The following SP4 variants were observed in gnomAD, a reference collection of about 807,000 sequenced individuals.
SP4 encodes Sp4 transcription factor.
SP4 carries 19 observed loss-of-function variants against 72.8 expected under a neutral mutation model. The observed-to-expected ratio is 0.26, with a 90% CI of 0.18 to 0.38. SP4 has a LOEUF of 0.38. Ranked by LOEUF, SP4 falls within the 10% of genes least tolerant of loss-of-function variation. The probability of loss-of-function intolerance (pLI) is 1.00; values close to 1 mark genes in which losing one functional copy is unlikely to be tolerated. For missense variants in SP4, 1,008 were observed against 926.3 expected (o/e 1.09, Z -1.14); for synonymous variants, 395 against 333.1 (o/e 1.19, Z -2.02).
chr7:21,451,777 A>C (rs1329532901), intron 3 of SP4, among the ~76,000 whole-genome samples: 1 of 152,174 alleles, frequency 6.6e-6, no homozygotes, highest in Non-Finnish European at 1.5e-5. Context: ...AAATCAGATT[A>C]TTAGATTTAG....
rs1028999109 is a variant in SP4 at position 21,468,001 on chromosome 7, A to G, written c.1679-9078A>G. The stretch of plus-strand genomic sequence containing the variant: ...TTTATTTATAGGTAGATAGATAAAT[A>G]GTTTTGTTTTTCAAATTTGCGGATC... On this transcript the variant is annotated intron_variant, in intron 3 of 5. Transcript: ENST00000222584. 2.6e-5 allele frequency among the ~76,000 whole-genome samples: 4 copies of G among 152,260 alleles called. No individual in the cohort carries two copies. In the South Asian group the frequency reaches 8.3e-4, roughly 31 times the overall value.
In SP4 at chr7:21,441,662, T is replaced by C. The variant is rs529965896; in HGVS notation, c.1678+10819T>C. 3.9e-5 allele frequency among the ~76,000 whole-genome samples: 6 copies of C among 152,326 alleles called. No homozygotes were observed. The South Asian group carries it at 1.2e-3, about 32-fold the overall frequency. Reference sequence around the variant, plus strand: ...CAGGAGCTCAGATAAAAGGATGTTGTTGCAGTAATTTAGTTATGAATTCAC... The same window carrying C: ...CAGGAGCTCAGATAAAAGGATGTTGCTGCAGTAATTTAGTTATGAATTCAC... On this transcript the variant is annotated intron_variant, in intron 3 of 5. Coordinates refer to ENST00000222584, the MANE Select transcript of SP4 (RefSeq NM_003112.5).
chr7:21,488,483 T>TTC (rs1784882794), intron 5 of SP4, among the ~76,000 whole-genome samples: 1 of 151,594 alleles, frequency 6.6e-6, no homozygotes, highest in Non-Finnish European at 1.5e-5. Context: ...CCTTTCCTTT[T>TTC]TTTTTTTTTT....
At chr7:21,501,603 T>C (rs1476049769) in intron 5 of SP4, among the ~76,000 whole-genome samples, 2 of 152,180 alleles carry the variant, frequency 1.3e-5, no homozygotes, top group Non-Finnish European at 2.9e-5. Context: ...TTATGAGAGA[T>C]GTAAGGATTG....
chr7:21,441,571 T>C (rs1783247128), intron 3 of SP4, among the ~76,000 whole-genome samples: 1 of 152,226 alleles, frequency 6.6e-6, no homozygotes, highest in South Asian at 2.1e-4. Context: ...AGTAAAAATA[T>C]TTGCAATGCA....
intron 3 of SP4, among the ~76,000 whole-genome samples, chr7:21,432,175 C>T (rs1261531636): frequency 6.6e-6 from 1 of 152,162 alleles, no homozygotes; most frequent in Non-Finnish European, 1.5e-5. Flanking sequence ...TTTAAGTAGC[C>T]ACATGTGGCT....
chr7:21,506,905 T>C (rs1782013081), intron 5 of SP4, among the ~76,000 whole-genome samples: 1 of 152,196 alleles, frequency 6.6e-6, no homozygotes, highest in South Asian at 2.1e-4. Flanking sequence ...CTTTAATTAT[T>C]AGTTCCTGGA....
At chr7:21,485,651 CTG>C (rs1193952800) in intron 5 of SP4, among the ~76,000 whole-genome samples, 5 of 152,112 alleles carry the variant, frequency 3.3e-5, no homozygotes, top group African/African-American at 1.2e-4. Flanking sequence ...TTTTGAAAAA[CTG>C]TATGCAGGCC....
In SP4 at chr7:21,428,344, C is replaced by T. The variant is rs1782694622; in HGVS notation, c.7+86C>T. Reference sequence around the variant, plus strand: ...GACCCTGCTCGGTTCTCCCCCCTCCCCCGGGGCCGCTGAGATGCTTTAAGG... The same window carrying T: ...GACCCTGCTCGGTTCTCCCCCCTCCTCCGGGGCCGCTGAGATGCTTTAAGG... On this transcript the variant is annotated intron_variant, in intron 1 of 5. Coordinates refer to ENST00000222584, the MANE Select transcript of SP4 (RefSeq NM_003112.5). 4.1e-6 allele frequency: 3 copies of T among 731,912 alleles called. No homozygotes were observed. The East Asian group carries it at 8.0e-5, about 20-fold the overall frequency. 45.3% of individuals were successfully genotyped at this position (731,912 alleles called of 1,614,324 possible).
intron 3 of SP4, among the ~76,000 whole-genome samples, chr7:21,434,991 A>G (rs1230799119): frequency 1.3e-5 from 2 of 152,204 alleles, no homozygotes; most frequent in Non-Finnish European, 1.5e-5. Context: ...AATGTCTTCT[A>G]CTAGTCAAAG....
chr7:21,432,015 A>G (rs191964951), intron 3 of SP4, among the ~76,000 whole-genome samples: 45 of 152,336 alleles, frequency 3.0e-4, no homozygotes, highest in Non-Finnish European at 6.2e-4. Context: ...TCTAGATACC[A>G]GTGCTTCTAG....
intron 4 of SP4, 139 bp from the exon 5 acceptor site, chr7:21,481,785 T>C (rs771717158): frequency 3.1e-6 from 2 of 650,370 alleles, no homozygotes; most frequent in Non-Finnish European, 5.3e-6. Flanking sequence ...AATTTTCTGA[T>C]TTGAACTACA....
In SP4 at chr7:21,453,972, CCTT is replaced by C. The variant is rs150961987; in HGVS notation, c.1679-23103_1679-23101del. ...GGCCAAAAAAATCTATATTCCCATG[CCTT>C]CTTATGATATTTTACCAAAAGTACA... On this transcript the variant is annotated intron_variant, in intron 3 of 5. Coordinates refer to ENST00000222584, the MANE Select transcript of SP4 (RefSeq NM_003112.5). Among the ~76,000 whole-genome samples, 1,198 of 152,254 alleles carry C rather than the reference CCTT, an allele frequency of 7.9e-3. 19 individuals are homozygous for C. The highest frequency in any genetic ancestry group is 0.028 in the African/African-American group (1,151 of 41,536).
chr7:21,479,260 A>G (rs1183740123), intron 4 of SP4, among the ~76,000 whole-genome samples: 1 of 136,112 alleles, frequency 7.3e-6, no homozygotes, highest in East Asian at 3.3e-4. Flanking sequence ...TAAGATTCCT[A>G]GTTGTTTTTT....
chr7:21,496,680 TA>T lies in SP4; in HGVS notation c.2108-14341del, dbSNP rs200543027. On this transcript the variant is annotated intron_variant, in intron 5 of 5. Coordinates refer to ENST00000222584, the MANE Select transcript of SP4 (RefSeq NM_003112.5). ...TTGGATATGCAGATTATTATTTATT[TA>T]TTTTTTTTTCAAATTGGGGAAGTTT... Among the ~76,000 whole-genome samples, 113 of 152,178 alleles carry T rather than the reference TA, an allele frequency of 7.4e-4. No individual in the cohort carries two copies. In the South Asian group the frequency reaches 0.014, roughly 18 times the overall value.
chr7:21,491,417 T>G (rs1016404040), intron 5 of SP4, among the ~76,000 whole-genome samples: 2 of 152,048 alleles, frequency 1.3e-5, no homozygotes, highest in Non-Finnish European at 2.9e-5. Context: ...ATTGCAGGGA[T>G]CTGTGGGACA....
chr7:21,484,323 A>G lies in SP4; in HGVS notation c.2107+2200A>G, dbSNP rs374523983. The stretch of plus-strand genomic sequence containing the variant: ...ATAAAGACTGAAGGTAATCTTATAC[A>G]ATATTTTTAATAATTTTATGTGTGA... On this transcript the variant is annotated intron_variant, in intron 5 of 5. Coordinates refer to ENST00000222584, the MANE Select transcript of SP4 (RefSeq NM_003112.5). Among the ~76,000 whole-genome samples, 3 of 151,990 alleles carry G rather than the reference A, an allele frequency of 2.0e-5. No homozygotes were observed. In the East Asian group the frequency reaches 5.8e-4, roughly 29 times the overall value.
chr7:21,439,938 C>A (rs989512138), intron 3 of SP4, among the ~76,000 whole-genome samples: 1 of 152,082 alleles, frequency 6.6e-6, no homozygotes, highest in Admixed American at 6.5e-5. Flanking sequence ...ATGTTTAAGA[C>A]GCAAGAATCT....
intron 5 of SP4, among the ~76,000 whole-genome samples, chr7:21,510,548 A>G (rs1782114949): frequency 6.6e-6 from 1 of 152,198 alleles, no homozygotes; most frequent in African/African-American, 2.4e-5. Flanking sequence ...CTTGTAAAGA[A>G]CTCAGTATGC....
Sources: gnomAD v4.1 joint callset for allele counts (sites outside exome capture counted in the v4.1 genomes callset) on GRCh38, gnomAD v4.1.1 for gene constraint, MANE v1.5 for transcripts, NCBI Gene and HGNC (gene_info 2026-07-23, HGNC 2026-07-21) for gene names.